The following RANBP2 variants were observed in gnomAD, a reference collection of about 807,000 sequenced individuals.
The protein encoded by RANBP2 is RAN binding protein 2, also known as E3 SUMO-protein ligase RanBP2.
In RANBP2, 57 loss-of-function variants were observed where a neutral mutation model predicts 303.6. That is an observed-to-expected ratio of 0.19 (90% CI 0.15 to 0.23). The LOEUF is 0.23. Among genes scored for constraint, RANBP2 ranks in the 10% least tolerant of loss-of-function variants. RANBP2 has a pLI of 1.00. For synonymous variants in RANBP2, 1,167 were observed against 1,301.5 expected (o/e 0.90, Z 2.23); for missense variants, 3,138 against 3,780.8 (o/e 0.83, Z 4.46).
At chr2:108,939,601 A>C in the RANBP2 span, among the ~76,000 whole-genome samples, 10 of 149,840 alleles carry the variant, frequency 6.7e-5, no homozygotes, top group African/African-American at 2.4e-4. Context: ...GAGGAGGAGA[A>C]CATGTCCCGT....
chr2:109,576,954 G>C, the RANBP2 span, among the ~76,000 whole-genome samples: 6 of 152,164 alleles, frequency 3.9e-5, no homozygotes, highest in African/African-American at 1.4e-4. Flanking sequence ...AAAAAGAACT[G>C]ACGGACACAC....
the RANBP2 span, among the ~76,000 whole-genome samples, chr2:109,292,952 G>T: frequency 6.6e-6 from 1 of 152,120 alleles, no homozygotes; most frequent in Non-Finnish European, 1.5e-5. Context: ...GGCTGGTCTC[G>T]AACTCCTGAC....
chr2:109,686,722 C>T, the RANBP2 span, among the ~76,000 whole-genome samples: 2 of 152,180 alleles, frequency 1.3e-5, no homozygotes, highest in East Asian at 1.9e-4. Flanking sequence ...AGCAATCTTC[C>T]TGTCTCAGCC....
At chr2:108,999,602 C>T in the RANBP2 span, among the ~76,000 whole-genome samples, 12 of 152,120 alleles carry the variant, frequency 7.9e-5, no homozygotes, top group Admixed American at 3.9e-4. Context: ...GATATGGCGA[C>T]GCCACATGGA....
At chr2:109,656,638 C>T in the RANBP2 span, among the ~76,000 whole-genome samples, 6 of 152,188 alleles carry the variant, frequency 3.9e-5, no homozygotes, top group Non-Finnish European at 2.9e-5. Flanking sequence ...CCGCACCTGG[C>T]CTTTTTCTTA....
At chr2:108,983,574 C>T in the RANBP2 span, among the ~76,000 whole-genome samples, 5 of 152,234 alleles carry the variant, frequency 3.3e-5, no homozygotes, top group Non-Finnish European at 7.3e-5. Flanking sequence ...TCCAGCTCCT[C>T]CCTCGTGATC....
chr2:109,012,520 G>GC, the RANBP2 span, among the ~76,000 whole-genome samples: 1 of 152,076 alleles, frequency 6.6e-6, no homozygotes, highest in African/African-American at 2.4e-5. Flanking sequence ...TTCTTCAGTG[G>GC]CCCCTCCGGC....
At chr2:109,730,574 A>G in the RANBP2 span, among the ~76,000 whole-genome samples, 4 of 152,188 alleles carry the variant, frequency 2.6e-5, no homozygotes, top group Non-Finnish European at 5.9e-5. Context: ...GCCTTAGTTC[A>G]GCCTGCTATA....
the RANBP2 span, among the ~76,000 whole-genome samples, chr2:109,338,379 G>A: frequency 1.9e-4 from 29 of 151,978 alleles, no homozygotes; most frequent in East Asian, 5.2e-3. Context: ...TGGGGACCCA[G>A]TTCTAACACA....
chr2:109,652,399 T>C, the RANBP2 span, among the ~76,000 whole-genome samples: 8 of 103,390 alleles, frequency 7.7e-5, no homozygotes, highest in Non-Finnish European at 2.2e-4. Context: ...ATTTTTTGTA[T>C]TTTTTTTAGT....
the RANBP2 span, among the ~76,000 whole-genome samples, chr2:109,021,774 C>T: frequency 6.6e-5 from 10 of 152,170 alleles, no homozygotes; most frequent in African/African-American, 2.4e-4. Context: ...CTGGGCATCC[C>T]CCGAGGTCCT....
the RANBP2 span, among the ~76,000 whole-genome samples, chr2:108,806,886 T>C: frequency 6.6e-6 from 1 of 152,208 alleles, no homozygotes; most frequent in African/African-American, 2.4e-5. Flanking sequence ...CATAGGGAGA[T>C]AGTCCCAGTG....
At chr2:109,649,877 T>C in the RANBP2 span, among the ~76,000 whole-genome samples, 3 of 152,226 alleles carry the variant, frequency 2.0e-5, no homozygotes, top group Non-Finnish European at 4.4e-5. Flanking sequence ...AGAAAAACAT[T>C]GGCTACTTCT....
At chr2:108,736,057 T>G (rs781711803) in intron 5 of RANBP2, 47 bp from the exon 6 acceptor site, 1 of 1,611,668 alleles carries the variant, frequency 6.2e-7, no homozygotes, top group Non-Finnish European at 8.5e-7. Context: ...ATTAATTTCT[T>G]AACATTTGAT....
At chr2:109,006,423 T>C in the RANBP2 span, among the ~76,000 whole-genome samples, 1 of 152,064 alleles carries the variant, frequency 6.6e-6, no homozygotes, top group African/African-American at 2.4e-5. Flanking sequence ...CTTGAACTCC[T>C]GACCTCATGA....
the RANBP2 span, among the ~76,000 whole-genome samples, chr2:109,459,409 A>G: frequency 6.6e-6 from 1 of 152,094 alleles, no homozygotes; most frequent in Non-Finnish European, 1.5e-5. Context: ...ATGGACCCTT[A>G]CCTGGTGGGG....
chr2:109,214,377 G>A, the RANBP2 span, among the ~76,000 whole-genome samples: 6 of 151,800 alleles, frequency 4.0e-5, no homozygotes, highest in South Asian at 2.1e-4. Context: ...CCGGGGCCAC[G>A]TGTGCTGTGT....
the RANBP2 span, among the ~76,000 whole-genome samples, chr2:109,125,450 T>C: frequency 6.6e-6 from 1 of 152,256 alleles, no homozygotes; most frequent in African/African-American, 2.4e-5. Flanking sequence ...AGACGCCCTG[T>C]GTTCCTTCAA....
At chr2:109,364,875 G>C in the RANBP2 span, among the ~76,000 whole-genome samples, 2 of 152,158 alleles carry the variant, frequency 1.3e-5, no homozygotes, top group Non-Finnish European at 2.9e-5. Context: ...CAGATTACTT[G>C]AGGTCAGGAG....
Sources: allele counts gnomAD v4.1 joint callset (sites outside exome capture counted in the v4.1 genomes callset), GRCh38; gene constraint gnomAD v4.1.1; transcripts MANE v1.5; gene names NCBI Gene and HGNC (gene_info 2026-07-23, HGNC 2026-07-21).